The following COL8A1 variants were observed in gnomAD, a reference collection of about 807,000 sequenced individuals.
COL8A1 encodes the protein collagen type VIII alpha 1 chain.
COL8A1 carries 21 observed loss-of-function variants against 42.7 expected under a neutral mutation model. The ratio of observed to expected loss-of-function variants is 0.49; its 90% CI spans 0.35 to 0.71. COL8A1 has a LOEUF of 0.71. Among genes scored for constraint, COL8A1 ranks in the 30% least tolerant of loss-of-function variants. The pLI is 0.01. For missense variants in COL8A1, 788 were observed against 962.4 expected, an observed-to-expected ratio of 0.82 and a Z score of 2.40; for synonymous variants, 367 against 369.1, an observed-to-expected ratio of 0.99 and a Z score of 0.06.
intron 1 of COL8A1, among the ~76,000 whole-genome samples, chr3:99,670,502 A>G (rs1459148654): frequency 6.6e-6 from 1 of 152,100 alleles, no homozygotes; most frequent in Non-Finnish European, 1.5e-5. Context: ...TTGATAAATC[A>G]TAATTATAAA....
At chr3:99,755,772 G>A (rs1941241907) in intron 2 of COL8A1, among the ~76,000 whole-genome samples, 2 of 152,174 alleles carry the variant, frequency 1.3e-5, no homozygotes, top group South Asian at 4.1e-4. Flanking sequence ...TTGCAAGATG[G>A]CAAGAAGACC....
At chr3:99,641,916 G>A (rs1397065930) in intron 1 of COL8A1, among the ~76,000 whole-genome samples, 1 of 152,138 alleles carries the variant, frequency 6.6e-6, no homozygotes, top group Non-Finnish European at 1.5e-5. Flanking sequence ...AGAATTAAGG[G>A]GAGAATGAAT....
At chr3:99,727,396 AC>A (rs1940366427) in intron 1 of COL8A1, among the ~76,000 whole-genome samples, 2 of 151,990 alleles carry the variant, frequency 1.3e-5, no homozygotes, top group Admixed American at 6.6e-5. Flanking sequence ...CTAATTGAAT[AC>A]CCTTTATTTC....
chr3:99,770,534 A>C (rs1311406855), intron 2 of COL8A1, among the ~76,000 whole-genome samples: 1 of 152,250 alleles, frequency 6.6e-6, no homozygotes, highest in African/African-American at 2.4e-5. Context: ...TTAAGAGTGC[A>C]GAAGTAAATG....
chr3:99,788,701 T>C (rs1041481878), intron 2 of COL8A1, among the ~76,000 whole-genome samples: 3 of 152,150 alleles, frequency 2.0e-5, no homozygotes, highest in Non-Finnish European at 1.5e-5. Flanking sequence ...TAGATGCACA[T>C]AACTAGACAA....
At chr3:99,659,832 C>T (rs1938143782) in intron 1 of COL8A1, among the ~76,000 whole-genome samples, 1 of 152,164 alleles carries the variant, frequency 6.6e-6, no homozygotes, top group African/African-American at 2.4e-5. Flanking sequence ...CCTTTACCTT[C>T]CTCCCGAGAC....
chr3:99,755,739 AGGCTGAGAACCAGTTT>A (rs1199669754), intron 2 of COL8A1, among the ~76,000 whole-genome samples: 1 of 152,206 alleles, frequency 6.6e-6, no homozygotes, highest in African/African-American at 2.4e-5. Flanking sequence ...GGAAGTCCCA[AGGCTGAGAACCAGTTT>A]GGCTTGTTGC....
intron 2 of COL8A1, among the ~76,000 whole-genome samples, chr3:99,755,616 G>A (rs1941239047): frequency 6.6e-6 from 1 of 152,176 alleles, no homozygotes; most frequent in South Asian, 2.1e-4. Flanking sequence ...GAGGGATGCT[G>A]TTTAAAATTG....
At chr3:99,738,276 G>A (rs1404040914) in intron 1 of COL8A1, among the ~76,000 whole-genome samples, 7 of 152,338 alleles carry the variant, frequency 4.6e-5, no homozygotes, top group East Asian at 1.9e-4. Context: ...GAGGAACTGC[G>A]TTCCTTTGGA....
In COL8A1 at chr3:99,794,729, G is replaced by A. The variant is rs753519343; in HGVS notation, c.828G>A (p.Val276=). The change falls in exon 4 of 4, where the codon GTG becomes GTA. Residue 276 remains valine (V), a synonymous_variant. Transcript: ENST00000652472. This position sits in a 1 kb window ranked among gnomAD's most constrained non-coding sequence, Gnocchi z 4.3. ...TGCCAGGAGTGGGCAAACCAGGAGT[G>A]ACAGGCTTCCCTGGGCCCCAGGGCC... ...VGLPGVGKPG[V]TGFPGPQGPL... is the part of the protein sequence containing the mutation. 18 of 1,606,248 alleles carry A rather than the reference G, an allele frequency of 1.1e-5. No homozygotes were observed. The Admixed American group carries it at 1.4e-4, about 12-fold the overall frequency.
intron 1 of COL8A1, among the ~76,000 whole-genome samples, chr3:99,712,106 G>C (rs1000525000): frequency 6.6e-6 from 1 of 152,088 alleles, no homozygotes; most frequent in African/African-American, 2.4e-5. Flanking sequence ...GAAATTGAAA[G>C]GTTTTAAAAG....
chr3:99,665,230 T>G (rs1031808184), intron 1 of COL8A1, among the ~76,000 whole-genome samples: 1 of 152,236 alleles, frequency 6.6e-6, no homozygotes, highest in Non-Finnish European at 1.5e-5. Context: ...ACTCCCAGCC[T>G]CTCACTTGGC....
At chr3:99,788,165 A>G (rs1559636541) in intron 2 of COL8A1, among the ~76,000 whole-genome samples, 1 of 152,222 alleles carries the variant, frequency 6.6e-6, no homozygotes, top group Non-Finnish European at 1.5e-5. Context: ...GAATAAGTAA[A>G]GCAGTAAATT....
chr3:99,668,287 A>G (rs1334868375), intron 1 of COL8A1, among the ~76,000 whole-genome samples: 1 of 152,180 alleles, frequency 6.6e-6, no homozygotes, highest in Admixed American at 6.5e-5. Flanking sequence ...GAAAGCTGTT[A>G]AATGTCATGC....
chr3:99,777,934 C>G (rs1245502841), intron 2 of COL8A1, among the ~76,000 whole-genome samples: 1 of 152,086 alleles, frequency 6.6e-6, no homozygotes, highest in East Asian at 1.9e-4. Context: ...GAAAATAAGT[C>G]TGGGGAGACA....
At chr3:99,770,182 C>T (rs1435580773) in intron 2 of COL8A1, among the ~76,000 whole-genome samples, 1 of 152,206 alleles carries the variant, frequency 6.6e-6, no homozygotes, top group Admixed American at 6.5e-5. Context: ...TTCTTCGTGG[C>T]CCCTGGGTAT....
Position 99,790,751 on chromosome 3 carries a change from G to T in COL8A1, c.69G>T (p.Arg23Ser). 1.2e-6 allele frequency: 2 copies of T among 1,614,114 alleles called. No homozygotes were observed. The highest frequency in any genetic ancestry group is 1.7e-6 in the Non-Finnish European group (2 of 1,180,018). ...TTACCATTTCCCTGAGTTCCATCAG[G>T]CTCATTCAGGCTGGTGCCTACTATG... The part of the protein sequence containing the change: ...VLLTISLSSI[R>S]LIQAGAYYGI... The change falls in exon 3 of 4, where the codon AGG (arginine) becomes AGT (serine). Residue 23 changes from arginine (R) to serine (S), a missense_variant. Around this residue, in one of 4 missense-constraint regions of COL8A1, gnomAD observed 421 missense variants for 553.1 expected, o/e 0.76. Transcript: ENST00000652472.
At chr3:99,749,748 T>G (rs1286489485) in intron 2 of COL8A1, among the ~76,000 whole-genome samples, 3 of 150,660 alleles carry the variant, frequency 2.0e-5, no homozygotes. Flanking sequence ...ATTTCAGAGG[T>G]TTGCTTTCCT....
At chr3:99,790,004 T>C (rs1247113325) in intron 2 of COL8A1, among the ~76,000 whole-genome samples, 3 of 152,246 alleles carry the variant, frequency 2.0e-5, no homozygotes, top group Non-Finnish European at 2.9e-5. Flanking sequence ...TTACATTTAT[T>C]TGTGACTACA....
Sources: allele counts gnomAD v4.1 joint callset (sites outside exome capture counted in the v4.1 genomes callset), GRCh38; gene constraint gnomAD v4.1.1; regional missense constraint gnomAD v4.1.1; non-coding constraint Gnocchi (gnomAD v3.1); transcripts MANE v1.5; gene names NCBI Gene and HGNC (gene_info 2026-07-23, HGNC 2026-07-21).